Variants in NRXN3 observed in about 807,000 individuals in gnomAD.
The protein encoded by NRXN3 is neurexin III.
A neutral mutation model predicts 137.6 loss-of-function variants in NRXN3; 32 were observed. That is an observed-to-expected ratio of 0.23 (90% CI 0.18 to 0.31). NRXN3 has a LOEUF of 0.31. NRXN3 is among the 10% of genes least tolerant of loss of function. The pLI, the probability that NRXN3 is intolerant of heterozygous loss-of-function variation, is 1.00. For synonymous variants in NRXN3, 798 were observed against 784.5 expected (o/e 1.02, Z -0.29); for missense variants, 1,574 against 2,062.5 (o/e 0.76, Z 4.59).
intron 7 of NRXN3, among the ~76,000 whole-genome samples, chr14:78,712,813 T>C (rs535235676): frequency 4.6e-5 from 7 of 152,220 alleles, no homozygotes; most frequent in Middle Eastern, 3.2e-3. Context: ...TCTGCCCGCC[T>C]CAGCCTCCCA....
At chr14:78,220,745 A>G (rs1379696310) in intron 1 of NRXN3, among the ~76,000 whole-genome samples, 3 of 152,086 alleles carry the variant, frequency 2.0e-5, no homozygotes, top group Non-Finnish European at 2.9e-5. Context: ...TTGGAGAAAG[A>G]GCACTGGGGA....
rs183497554 is a variant in NRXN3, at chr14:79,577,855, T to A, written c.3445-85923T>A. Among the ~76,000 whole-genome samples, 4 of 152,340 alleles carry A rather than the reference T, an allele frequency of 2.6e-5. No homozygotes were observed. In the East Asian group the frequency reaches 7.7e-4, roughly 29 times the overall value. The stretch of plus-strand genomic sequence containing the variant: ...GGATAGTGCTTCTCTTACATCTGTT[T>A]GCACAGCAGAACTGTACTGCACTGA... On this transcript the variant is annotated intron_variant, in intron 16 of 20. Transcript: ENST00000335750.
At chr14:78,577,240 C>T (rs972568693) in intron 4 of NRXN3, among the ~76,000 whole-genome samples, 2 of 152,130 alleles carry the variant, frequency 1.3e-5, no homozygotes, top group Admixed American at 1.3e-4. Flanking sequence ...GCTGCCTACA[C>T]CAGCAGTAAT....
intron 19 of NRXN3, among the ~76,000 whole-genome samples, chr14:79,741,609 C>A (rs933204654): frequency 6.6e-6 from 1 of 151,992 alleles, no homozygotes; most frequent in Admixed American, 6.6e-5. Context: ...CTCAGCTTCC[C>A]GAGTAGCTGG....
intron 6 of NRXN3, among the ~76,000 whole-genome samples, chr14:78,687,945 G>A (rs772633307): frequency 6.6e-6 from 1 of 152,182 alleles, no homozygotes; most frequent in Non-Finnish European, 1.5e-5. Flanking sequence ...TTCCTGGTTT[G>A]AATAACTGTT....
At chr14:78,599,053 T>A (rs1050986152) in intron 4 of NRXN3, among the ~76,000 whole-genome samples, 3 of 152,172 alleles carry the variant, frequency 2.0e-5, no homozygotes, top group Admixed American at 6.5e-5. Flanking sequence ...GAGGATTAAT[T>A]TATGGAGAGG....
At chr14:79,183,032 A>G (rs544965798) in intron 15 of NRXN3, among the ~76,000 whole-genome samples, 2 of 152,214 alleles carry the variant, frequency 1.3e-5, no homozygotes, top group South Asian at 4.1e-4. Context: ...ATCAGAATAC[A>G]TTATATGAAG....
intron 2 of NRXN3, among the ~76,000 whole-genome samples, chr14:78,258,993 G>C (rs8181919): frequency 0.24 from 36,425 of 151,836 alleles, 4,615 homozygotes; most frequent in Middle Eastern, 0.35. Context: ...TTAGCTGGGC[G>C]TGGTGGCGGG....
At chr14:79,353,680 T>C (rs891901204) in intron 15 of NRXN3, among the ~76,000 whole-genome samples, 1 of 152,182 alleles carries the variant, frequency 6.6e-6, no homozygotes, top group Non-Finnish European at 1.5e-5. Context: ...ACTATATGCC[T>C]GACATATTGC....
intron 4 of NRXN3, among the ~76,000 whole-genome samples, chr14:78,432,905 A>C (rs939463453): frequency 6.6e-6 from 1 of 152,212 alleles, no homozygotes; most frequent in Non-Finnish European, 1.5e-5. Flanking sequence ...GTCAGGGAAG[A>C]GATCTAAGGG....
At chr14:78,937,736 T>C (rs1298693600) in intron 10 of NRXN3, among the ~76,000 whole-genome samples, 1 of 152,214 alleles carries the variant, frequency 6.6e-6, no homozygotes, top group Non-Finnish European at 1.5e-5. Flanking sequence ...CACAGTGGTT[T>C]TAAGGTTGAG....
intron 19 of NRXN3, among the ~76,000 whole-genome samples, chr14:79,725,572 A>T (rs80346835): frequency 2.1e-3 from 322 of 152,216 alleles, no homozygotes; most frequent in African/African-American, 7.6e-3. Flanking sequence ...GGGCTAGGTT[A>T]TGTTCCGCTC....
At chr14:79,216,719 A>T (rs1366660276) in intron 15 of NRXN3, among the ~76,000 whole-genome samples, 1 of 152,212 alleles carries the variant, frequency 6.6e-6, no homozygotes, top group South Asian at 2.1e-4. Context: ...CAACCAATCA[A>T]TATTACTTTT....
chr14:78,171,219 CTT>C (rs144839930), intron 1 of NRXN3, among the ~76,000 whole-genome samples: 8 of 121,376 alleles, frequency 6.6e-5, no homozygotes, highest in Admixed American at 2.6e-4. Flanking sequence ...TGTGTGTGTG[CTT>C]TTTTTTTTTT....
At chr14:78,744,329 A>T (rs1288913185) in intron 8 of NRXN3, 2 of 152,174 alleles carry the variant, frequency 1.3e-5, no homozygotes, top group Non-Finnish European at 2.9e-5. Context: ...GGGTTTCGCC[A>T]TGTTGGCCAG....
At chr14:79,414,417 C>A (rs531311571) in intron 15 of NRXN3, among the ~76,000 whole-genome samples, 1 of 151,938 alleles carries the variant, frequency 6.6e-6, no homozygotes, top group Non-Finnish European at 1.5e-5. Context: ...GGGATTAGTT[C>A]TTTTAGTCCC....
chr14:79,451,619 A>G (rs1227327164), intron 15 of NRXN3, among the ~76,000 whole-genome samples: 2 of 152,206 alleles, frequency 1.3e-5, no homozygotes, highest in Non-Finnish European at 2.9e-5. Flanking sequence ...CAGTGGCTTC[A>G]AGGCAGGTAG....
At chr14:79,233,353 T>C (rs1378130679) in intron 15 of NRXN3, among the ~76,000 whole-genome samples, 1 of 152,166 alleles carries the variant, frequency 6.6e-6, no homozygotes, top group Non-Finnish European at 1.5e-5. Flanking sequence ...GGCTCAGGGT[T>C]CACTGGGAAA....
At chr14:79,320,249 A>G (rs534135388) in intron 15 of NRXN3, among the ~76,000 whole-genome samples, 3 of 152,368 alleles carry the variant, frequency 2.0e-5, no homozygotes, top group Non-Finnish European at 4.4e-5. Context: ...GTCATTAAAC[A>G]TGCAAATATC....
Sources: gnomAD v4.1 joint callset for allele counts (sites outside exome capture counted in the v4.1 genomes callset) on GRCh38, gnomAD v4.1.1 for gene constraint, MANE v1.5 for transcripts, NCBI Gene and HGNC (gene_info 2026-07-23, HGNC 2026-07-21) for gene names.